Variants in RYR3 observed in about 807,000 individuals in gnomAD.
The protein encoded by RYR3 is brain ryanodine receptor-calcium release channel.
A neutral mutation model predicts 584.3 loss-of-function variants in RYR3; 207 were observed. The ratio of observed to expected loss-of-function variants is 0.35; its 90% CI spans 0.32 to 0.40. The LOEUF (loss-of-function observed/expected upper bound fraction) is 0.40, where lower values mean the gene tolerates loss of function less well. Among genes scored for constraint, RYR3 ranks in the 10% least tolerant of loss-of-function variants. The pLI, the probability that RYR3 is intolerant of heterozygous loss-of-function variation, is 1.00. For synonymous variants in RYR3, 2,416 were observed against 2,248.5 expected (o/e 1.07, Z -2.11); for missense variants, 5,616 against 6,089.2 (o/e 0.92, Z 2.59).
intron 89 of RYR3, chr15:33,840,600 T>C (rs1245846273): frequency 1.7e-6 from 1 of 584,808 alleles, no homozygotes; most frequent in Non-Finnish European, 3.0e-6. Context: ...TTGAGTAAGT[T>C]ATAGAAGGGA....
chr15:33,492,030 T>C (rs770531047), intron 2 of RYR3, among the ~76,000 whole-genome samples: 12 of 152,228 alleles, frequency 7.9e-5, no homozygotes, highest in Non-Finnish European at 1.2e-4. Flanking sequence ...GAAGAAGATA[T>C]GGCCTGAGGA....
At chr15:33,725,795 TAA>T (rs3086219) in intron 45 of RYR3, among the ~76,000 whole-genome samples, 1 of 130,476 alleles carries the variant, frequency 7.7e-6, no homozygotes, top group Non-Finnish European at 1.6e-5. Flanking sequence ...CCGTCTCTAC[TAA>T]AAAAAAAAAA....
Position 33,842,041 on chromosome 15 carries a change from C to G in RYR3, c.13209+6C>G. ...TCTATCAGACCAAGTTACTGGTAAG[C>G]ATTCCAACCTTGGCCCTGTTCATGG... On this transcript the variant is annotated splice_donor_region_variant and intron_variant, in intron 91 of 103. Coordinates refer to ENST00000634891, the MANE Select transcript of RYR3 (RefSeq NM_001036.6). 1 of 1,594,752 alleles carries G rather than the reference C, an allele frequency of 6.3e-7. No individual in the cohort carries two copies. Among genetic ancestry groups the G allele is most frequent in the Non-Finnish European group, 8.5e-7 (1 of 1,170,370 alleles).
intron 3 of RYR3, among the ~76,000 whole-genome samples, chr15:33,513,352 G>T (rs2053210986): frequency 6.6e-6 from 1 of 152,156 alleles, no homozygotes; most frequent in Admixed American, 6.5e-5. Flanking sequence ...ATCTCAGCTG[G>T]CATTTTCATC....
chr15:33,476,813 G>A (rs535293151), intron 2 of RYR3, among the ~76,000 whole-genome samples: 2 of 152,118 alleles, frequency 1.3e-5, no homozygotes, highest in Non-Finnish European at 2.9e-5. Context: ...GCGCCATCAG[G>A]GTTCTCACAG....
chr15:33,333,879 C>T (rs1427298222), intron 1 of RYR3, among the ~76,000 whole-genome samples: 1 of 152,152 alleles, frequency 6.6e-6, no homozygotes, highest in Non-Finnish European at 1.5e-5. Flanking sequence ...GCAAAAATTG[C>T]TAATATTCTT....
At chr15:33,517,159 T>C (rs1319825035) in intron 3 of RYR3, among the ~76,000 whole-genome samples, 1 of 152,144 alleles carries the variant, frequency 6.6e-6, no homozygotes, top group Non-Finnish European at 1.5e-5. Flanking sequence ...CACATCCAGC[T>C]AATTTTTGTA....
intron 1 of RYR3, among the ~76,000 whole-genome samples, chr15:33,404,872 T>C (rs1319774522): frequency 6.6e-6 from 1 of 152,148 alleles, no homozygotes; most frequent in East Asian, 1.9e-4. Context: ...TGTCAAGTAT[T>C]TTAGGGGCTG....
chr15:33,364,463 A>G (rs1184845690), intron 1 of RYR3, among the ~76,000 whole-genome samples: 1 of 152,212 alleles, frequency 6.6e-6, no homozygotes. Context: ...TTTCCTCTAC[A>G]TCTTCATTTT....
intron 45 of RYR3, among the ~76,000 whole-genome samples, chr15:33,725,728 G>C (rs1399107791): frequency 6.6e-6 from 1 of 150,980 alleles, no homozygotes; most frequent in Non-Finnish European, 1.5e-5. Flanking sequence ...GGGAGGCCGA[G>C]ATGGGCAGAT....
chr15:33,847,858 C>T (rs754421698), intron 93 of RYR3, among the ~76,000 whole-genome samples: 3 of 152,136 alleles, frequency 2.0e-5, no homozygotes, highest in East Asian at 3.8e-4. Context: ...TGGCCCTGTA[C>T]ATTGAAGGGA....
At chr15:33,609,619 C>T (rs1050935362) in intron 18 of RYR3, among the ~76,000 whole-genome samples, 3 of 152,196 alleles carry the variant, frequency 2.0e-5, no homozygotes, top group African/African-American at 4.8e-5. Context: ...TGCCATTGTA[C>T]TCCAGCCTGG....
chr15:33,800,350 T>G (rs1414953077), intron 67 of RYR3, among the ~76,000 whole-genome samples: 1 of 152,188 alleles, frequency 6.6e-6, no homozygotes, highest in Non-Finnish European at 1.5e-5. Context: ...CAGGACCAGG[T>G]TAGATGTCTT....
intron 42 of RYR3, among the ~76,000 whole-genome samples, chr15:33,701,451 G>C (rs138623316): frequency 6.6e-6 from 1 of 152,192 alleles, no homozygotes; most frequent in Non-Finnish European, 1.5e-5. Flanking sequence ...TGTATAATCA[G>C]TGTCCTTTCC....
At chr15:33,623,152 G>A (rs2060811423) in intron 19 of RYR3, among the ~76,000 whole-genome samples, 1 of 152,228 alleles carries the variant, frequency 6.6e-6, no homozygotes, top group Admixed American at 6.5e-5. Flanking sequence ...TGGGATCCCA[G>A]TGAGCAAACT....
At chr15:33,628,960 C>T (rs1418771927) in intron 21 of RYR3, among the ~76,000 whole-genome samples, 3 of 152,184 alleles carry the variant, frequency 2.0e-5, no homozygotes, top group African/African-American at 7.2e-5. Context: ...CATTAGAAAT[C>T]ATTTTTCAGA....
At chr15:33,814,164 T>G (rs1399561085) in intron 74 of RYR3, among the ~76,000 whole-genome samples, 3 of 152,370 alleles carry the variant, frequency 2.0e-5, no homozygotes, top group African/African-American at 7.2e-5. Flanking sequence ...TGCTGAAAAG[T>G]CTGGGACATA....
chr15:33,330,598 G>A (rs1169873127), intron 1 of RYR3, among the ~76,000 whole-genome samples: 1 of 152,114 alleles, frequency 6.6e-6, no homozygotes, highest in East Asian at 1.9e-4. Flanking sequence ...GCTTTTATGA[G>A]TTGATTTGAA....
At chr15:33,546,325 A>G (rs934134638) in intron 8 of RYR3, among the ~76,000 whole-genome samples, 1 of 152,180 alleles carries the variant, frequency 6.6e-6, no homozygotes, top group Non-Finnish European at 1.5e-5. Context: ...AGCATAAATG[A>G]GAATCTTAGC....
Sources: gnomAD v4.1 joint callset for allele counts (sites outside exome capture counted in the v4.1 genomes callset) on GRCh38, gnomAD v4.1.1 for gene constraint, MANE v1.5 for transcripts, NCBI Gene and HGNC (gene_info 2026-07-23, HGNC 2026-07-21) for gene names.